MGAM: variants seen among roughly 807,000 people sequenced by gnomAD.
MGAM encodes the protein alpha-1,4-glucosidase.
Under a neutral mutation model 358.8 loss-of-function variants are expected in MGAM, and 253 were observed. That is an observed-to-expected ratio of 0.71 (90% CI 0.64 to 0.78). The LOEUF is 0.78. Among genes scored for constraint, MGAM ranks in the 30% least tolerant of loss-of-function variants. MGAM has a pLI of 0.00. For synonymous variants in MGAM, 1,105 were observed against 1,227.1 expected (o/e 0.90, Z 2.08); for missense variants, 3,080 against 3,432.6 (o/e 0.90, Z 2.57).
intron 34 of MGAM, 59 bp from the exon 35 acceptor site, chr7:142,062,509 G>A: frequency 6.5e-7 from 1 of 1,530,188 alleles, no homozygotes; most frequent in Non-Finnish European, 8.8e-7. Context: ...CTCAGTAAGT[G>A]CCTGTTTGCT....
intron 43 of MGAM, 93 bp downstream of exon 43, chr7:142,068,796 G>C: frequency 9.4e-7 from 1 of 1,061,076 alleles, no homozygotes. Flanking sequence ...TGCTGGCTCT[G>C]TAACCCACCT....
At chr7:142,020,393 G>A (rs1806329779) in intron 4 of MGAM, among the ~76,000 whole-genome samples, 1 of 152,086 alleles carries the variant, frequency 6.6e-6, no homozygotes, top group South Asian at 2.1e-4. Context: ...TGTGGAATGA[G>A]TGTTAGGCTT....
At chr7:142,021,827 C>A (rs1386484170) in intron 6 of MGAM, 90 bp downstream of exon 6, 4 of 1,391,264 alleles carry the variant, frequency 2.9e-6, no homozygotes, top group Non-Finnish European at 4.0e-6. Context: ...AACAATATTC[C>A]TGAAGGTTGT....
In MGAM at chr7:142,045,031, C is replaced by G. The variant is rs575870919; in HGVS notation, c.2499-2754C>G. On this transcript the variant is annotated intron_variant, in intron 21 of 70. Transcript: ENST00000475668. The stretch of plus-strand genomic sequence containing the variant: ...TGATATATAATATGTATATTGTATA[C>G]ACGTGTAATATATGATATATAATAT... Among the ~76,000 whole-genome samples the G allele has an allele frequency of 2.3e-5, 2 of 86,064 alleles. 1 individual carries two copies. The highest frequency in any genetic ancestry group is 8.1e-5 in the African/African-American group (2 of 24,640). The allele number at this position is 86,064 out of a possible 152,430, so 56.5% of individuals were successfully genotyped here.
In MGAM at chr7:142,032,914, G is replaced by C. The variant is rs1392807994; in HGVS notation, c.1669+5G>C. 1.3e-6 allele frequency: 2 copies of C among 1,589,452 alleles called. No homozygotes were observed. The highest frequency in any genetic ancestry group is 2.7e-5 in the African/African-American group (2 of 73,958). Reference sequence around the variant, plus strand: ...ATAATCCCCCATTCACTCCCAGTAAGTCTTGGTGGTCAGCAGATTAAAGTA... The same window carrying C: ...ATAATCCCCCATTCACTCCCAGTAACTCTTGGTGGTCAGCAGATTAAAGTA... On this transcript the variant is annotated splice_donor_5th_base_variant and intron_variant, in intron 14 of 70. Transcript: ENST00000475668.
In MGAM at chr7:142,019,316, G is replaced by A. The variant is rs782811489; in HGVS notation, c.445G>A (p.Ala149Thr). Residue 149 changes from alanine to threonine, a missense_variant, in exon 4 of 71, where the codon GCA (alanine) becomes ACA (threonine). Physicochemically the swap from Ala to Thr is moderately conservative, Grantham distance 58. Around this residue, in one of 5 missense-constraint regions of MGAM, gnomAD observed 1,816 missense variants for 1,840.5 expected, o/e 0.99. Coordinates refer to ENST00000475668, the MANE Select transcript of MGAM (RefSeq NM_001365693.1). ...HVEGNLVNTN[A>T]GFTARLKNLP... ...AGAGGGCAACCTTGTCAACACAAAT[G>A]CAGGTAAGCCAGAGTCTGCCATGAT... 9.3e-6 allele frequency: 15 copies of A among 1,612,256 alleles called. No homozygotes were observed. Among genetic ancestry groups the A allele is most frequent in the African/African-American group, 1.3e-5 (1 of 74,894 alleles).
rs2129070162 is a variant in MGAM at position 142,106,626 on chromosome 7, AT to A, written c.*740del. ...AGAGTTTGGAGGTTAAAAATAATTT[AT>A]TTTTGCAGTAGTGTGCTTTGAAATG... On this transcript the variant is annotated 3_prime_UTR_variant, in exon 71 of 71. Coordinates refer to ENST00000475668, the MANE Select transcript of MGAM (RefSeq NM_001365693.1). 1 of 152,280 alleles carries A rather than the reference AT, an allele frequency of 6.6e-6. No homozygotes were observed. The highest frequency in any genetic ancestry group is 2.4e-5 in the African/African-American group (1 of 41,570). The allele number at this position is 152,280 out of a possible 1,614,324, so 9.4% of individuals were successfully genotyped here. A position where few individuals can be genotyped will look rare whatever the true frequency, so the allele number is the denominator to read the frequency against.
rs1813237614 is a variant in MGAM, at chr7:142,070,335, A to G, written c.5062-659A>G. Among the ~76,000 whole-genome samples, 2 of 146,472 alleles carry G rather than the reference A, an allele frequency of 1.4e-5. 1 individual carries two copies. The highest frequency in any genetic ancestry group is 3.1e-5 in the Non-Finnish European group (2 of 64,682). On this transcript the variant is annotated intron_variant, in intron 43 of 70. Coordinates refer to ENST00000475668, the MANE Select transcript of MGAM (RefSeq NM_001365693.1). The stretch of plus-strand genomic sequence containing the variant: ...TAACTATTACTCATTCTAGAGCACA[A>G]GCTGGCAAACTATGGCCCACAGCCA...
intron 34 of MGAM, 126 bp downstream of exon 34, chr7:142,060,499 G>C (rs1406583850): frequency 1.5e-5 from 17 of 1,102,666 alleles, no homozygotes; most frequent in Non-Finnish European, 2.3e-5. Flanking sequence ...TAGGTGATGT[G>C]TCTTGGGTGT....
chr7:142,041,811 C>A (rs1232024802), intron 21 of MGAM, among the ~76,000 whole-genome samples: 7 of 139,122 alleles, frequency 5.0e-5, no homozygotes, highest in African/African-American at 1.6e-4. Flanking sequence ...GAAATCTTTC[C>A]TTAATCTTCC....
intron 3 of MGAM, among the ~76,000 whole-genome samples, chr7:142,012,222 A>G (rs1256784250): frequency 5.9e-5 from 9 of 152,180 alleles, no homozygotes; most frequent in African/African-American, 1.9e-4. Context: ...CTGCTATAAC[A>G]TAATGCCCAA....
chr7:142,011,975 CAG>C (rs1669323612), intron 3 of MGAM, among the ~76,000 whole-genome samples: 1 of 152,192 alleles, frequency 6.6e-6, no homozygotes, highest in Non-Finnish European at 1.5e-5. Flanking sequence ...AGATATTTCA[CAG>C]AGTCGAGACT....
chr7:142,096,467 G>A, intron 65 of MGAM, 52 bp downstream of exon 65: 1 of 1,586,256 alleles, frequency 6.3e-7, no homozygotes, highest in South Asian at 1.1e-5. Flanking sequence ...GAGGCTTGGG[G>A]AAAAGGACGA....
chr7:142,063,638 A>T, intron 36 of MGAM, 52 bp downstream of exon 36: 2 of 1,587,856 alleles, frequency 1.3e-6, no homozygotes, highest in South Asian at 1.1e-5. Context: ...GAAGGATTAC[A>T]CTGGAGGAGC....
At position 142,074,179 on chromosome 7, in the gene MGAM, C is replaced by A; in HGVS notation, c.5275+6C>A. On this transcript the variant is annotated splice_donor_region_variant and intron_variant, in intron 45 of 70. Coordinates refer to ENST00000475668, the MANE Select transcript of MGAM (RefSeq NM_001365693.1). ...GGATGATGGGCAAACAAAGGGTGAG[C>A]GCTGTTACAATAATGTTGCTGTTTC... The A allele has an allele frequency of 1.3e-6, 2 of 1,510,846 alleles. No individual in the cohort carries two copies. The highest frequency in any genetic ancestry group is 1.8e-6 in the Non-Finnish European group (2 of 1,100,900). 93.6% of individuals were successfully genotyped at this position (1,510,846 alleles called of 1,614,324 possible).
intron 34 of MGAM, among the ~76,000 whole-genome samples, chr7:142,060,947 C>T (rs1812128807): frequency 6.8e-6 from 1 of 146,834 alleles, no homozygotes; most frequent in African/African-American, 2.7e-5. Flanking sequence ...GTAAAACTTG[C>T]TCTCTCCTGG....
intron 38 of MGAM, 59 bp from the exon 39 acceptor site, chr7:142,065,529 A>G (rs1196497464): frequency 3.1e-6 from 5 of 1,613,968 alleles, no homozygotes; most frequent in Non-Finnish European, 4.2e-6. Context: ...TCCTTAGGGA[A>G]GAGGTGAGGA....
chr7:142,032,033 CT>C (rs371378447), intron 13 of MGAM, among the ~76,000 whole-genome samples: 8,875 of 122,234 alleles, frequency 0.073, 903 homozygotes, highest in African/African-American at 0.24. Flanking sequence ...AAGTCTAGCT[CT>C]TTTTTTTTTT....
Position 142,093,506 on chromosome 7 carries a change from T to A in MGAM, c.7128T>A (p.Asn2376Lys). The change falls in exon 60 of 71, where the codon AAT becomes AAA. Residue 2376 changes from asparagine (N) to lysine (K), a missense_variant. Transcript: ENST00000475668. ...LPDGSPVQHY[N>K]VHNLYGWSQT... Reference sequence around the variant, plus strand: ...ACGGCTCCCCGGTGCAGCACTACAATGTGCACAACCTGTACGGGTGGTCCC... The same window carrying A: ...ACGGCTCCCCGGTGCAGCACTACAAAGTGCACAACCTGTACGGGTGGTCCC... 6.6e-7 allele frequency: 1 copy of A among 1,510,558 alleles called. No homozygotes were observed. Among genetic ancestry groups the A allele is most frequent in the Non-Finnish European group, 9.0e-7 (1 of 1,109,078 alleles). 93.6% of individuals were successfully genotyped at this position (1,510,558 alleles called of 1,614,324 possible).
Sources: allele counts gnomAD v4.1 joint callset (sites outside exome capture counted in the v4.1 genomes callset), GRCh38; gene constraint gnomAD v4.1.1; regional missense constraint gnomAD v4.1.1; transcripts MANE v1.5; gene names NCBI Gene and HGNC (gene_info 2026-07-23, HGNC 2026-07-21).